LMAN1: variants seen among roughly 807,000 people sequenced by gnomAD.
The protein encoded by LMAN1 is protein ERGIC-53.
LMAN1 carries 32 observed loss-of-function variants against 67.8 expected under a neutral mutation model. The observed-to-expected ratio is 0.47, with a 90% confidence interval of 0.36 to 0.63. The LOEUF (loss-of-function observed/expected upper bound fraction) is 0.63, where lower values mean the gene tolerates loss of function less well. Ranked by LOEUF, LMAN1 falls within the 30% of genes least tolerant of loss-of-function variation. The pLI, the probability that LMAN1 is intolerant of heterozygous loss-of-function variation, is 0.00. For missense variants in LMAN1, 632 were observed against 628.2 expected (o/e 1.01, Z -0.06); for synonymous variants, 235 against 219.3 (o/e 1.07, Z -0.63).
chr18:59,353,195 T>C lies in LMAN1; in HGVS notation c.639+7A>G. 1 of 1,597,084 alleles carries C rather than the reference T, an allele frequency of 6.3e-7. No individual in the cohort carries two copies. The highest frequency in any genetic ancestry group is 8.6e-7 in the Non-Finnish European group (1 of 1,164,480). On this transcript the variant is annotated splice_region_variant and intron_variant, in intron 5 of 12. Transcript: ENST00000251047. ...TATTTGATTCTCTCTAAATAGATGTTACTTACTGTCAGTGTGTTCTGGTAA... is the reference window on the plus strand; with the variant it reads ...TATTTGATTCTCTCTAAATAGATGTCACTTACTGTCAGTGTGTTCTGGTAA...
In LMAN1 at chr18:59,346,067, T is replaced by C. The variant is rs1468434414; in HGVS notation, c.823-16A>G. The C allele has an allele frequency of 1.3e-6, 2 of 1,587,606 alleles. No homozygotes were observed. The highest frequency in any genetic ancestry group is 3.5e-5 in the Admixed American group (2 of 57,580). On this transcript the variant is annotated splice_polypyrimidine_tract_variant and intron_variant, in intron 7 of 12. Coordinates refer to ENST00000251047, the MANE Select transcript of LMAN1 (RefSeq NM_005570.4). ...CTGGTGTGGGCTTTTTTTTGGAGTT[T>C]TGGAATAGATCATTAAAAAGATAAG...
intron 5 of LMAN1, 162 bp downstream of exon 5, chr18:59,353,040 C>G (rs983923650): frequency 1.1e-5 from 7 of 656,260 alleles, no homozygotes; most frequent in Non-Finnish European, 1.9e-5. Flanking sequence ...CAGATGACCA[C>G]TTACACTGAG....
At chr18:59,342,893 C>G (rs1006100860) in intron 8 of LMAN1, among the ~76,000 whole-genome samples, 1 of 151,826 alleles carries the variant, frequency 6.6e-6, no homozygotes, top group Non-Finnish European at 1.5e-5. Flanking sequence ...GATCTTATAT[C>G]TCAAAAATCC....
intron 5 of LMAN1, among the ~76,000 whole-genome samples, chr18:59,349,717 A>T (rs1202816684): frequency 2.0e-5 from 3 of 152,250 alleles, no homozygotes; most frequent in Non-Finnish European, 4.4e-5. Context: ...GTTAGCAGAG[A>T]ACAAAAGTGA....
At chr18:59,335,972 G>A (rs1908137707) in intron 10 of LMAN1, among the ~76,000 whole-genome samples, 1 of 152,162 alleles carries the variant, frequency 6.6e-6, no homozygotes, top group Non-Finnish European at 1.5e-5. Context: ...TAAGAACCAG[G>A]TTTTTCCCTG....
At chr18:59,344,041 T>A (rs1908345946) in intron 8 of LMAN1, among the ~76,000 whole-genome samples, 1 of 152,076 alleles carries the variant, frequency 6.6e-6, no homozygotes, top group Non-Finnish European at 1.5e-5. Context: ...AATGAAGAAA[T>A]GCTCAACATC....
intron 8 of LMAN1, among the ~76,000 whole-genome samples, chr18:59,345,227 A>T (rs1269030447): frequency 6.6e-6 from 1 of 152,232 alleles, no homozygotes; most frequent in Non-Finnish European, 1.5e-5. Context: ...AGCCTTTATT[A>T]AGTACACCTT....
At chr18:59,353,060 C>T in intron 5 of LMAN1, 142 bp downstream of exon 5, 1 of 730,062 alleles carries the variant, frequency 1.4e-6, no homozygotes, top group South Asian at 1.5e-5. Flanking sequence ...GCTGTGAAGC[C>T]ACCTCCGTTC....
At position 59,330,376 on chromosome 18, in the gene LMAN1, G is replaced by A. The variant is rs2070740370; in HGVS notation, c.*717C>T. The A allele has an allele frequency of 6.6e-6, 1 of 152,602 alleles. No individual in the cohort carries two copies. Among genetic ancestry groups the A allele is most frequent in the South Asian group, 2.1e-4 (1 of 4,814 alleles). The allele number at this position is 152,602 out of a possible 1,614,324, so 9.5% of individuals were successfully genotyped here. ...GACATTCAAGAATATGGGCAATCAT[G>A]AATGAATACATTACCAGGCAAAATA... On this transcript the variant is annotated 3_prime_UTR_variant, in exon 13 of 13. Coordinates refer to ENST00000251047, the MANE Select transcript of LMAN1 (RefSeq NM_005570.4).
intron 1 of LMAN1, among the ~76,000 whole-genome samples, chr18:59,358,781 G>A (rs1420288235): frequency 6.6e-6 from 1 of 152,172 alleles, no homozygotes; most frequent in Non-Finnish European, 1.5e-5. Context: ...CGAGATCAAA[G>A]AAGGGAAGAC....
intron 1 of LMAN1, 30 bp downstream of exon 1, chr18:59,359,001 C>G (rs1430630629): frequency 6.2e-7 from 1 of 1,605,792 alleles, no homozygotes; most frequent in South Asian, 1.1e-5. Flanking sequence ...GGGAGAGGAA[C>G]CCGGCCCCCA....
chr18:59,331,645 T>C, intron 11 of LMAN1, 106 bp from the exon 12 acceptor site: 1 of 1,271,312 alleles, frequency 7.9e-7, no homozygotes, highest in Non-Finnish European at 1.1e-6. Flanking sequence ...ACAAGTATTT[T>C]CATTTTTTCA....
chr18:59,355,309 A>G lies in LMAN1; in HGVS notation c.477+4T>C. Reference sequence around the variant, plus strand: ...GTGGATAACAGTCCTGACAATAAATATACCTTTCCATCATTGTCAAAAGAA... The same window carrying G: ...GTGGATAACAGTCCTGACAATAAATGTACCTTTCCATCATTGTCAAAAGAA... On this transcript the variant is annotated splice_donor_region_variant and intron_variant, in intron 3 of 12. Coordinates refer to ENST00000251047, the MANE Select transcript of LMAN1 (RefSeq NM_005570.4). 1.3e-6 allele frequency: 2 copies of G among 1,598,040 alleles called. No homozygotes were observed. Among genetic ancestry groups the G allele is most frequent in the Non-Finnish European group, 1.7e-6 (2 of 1,166,406 alleles).
intron 12 of LMAN1, 81 bp downstream of exon 12, chr18:59,331,337 T>C (rs986555278): frequency 5.7e-6 from 8 of 1,393,046 alleles, no homozygotes; most frequent in Middle Eastern, 1.8e-4. Flanking sequence ...AATTGTATTA[T>C]GAACATAGAT....
intron 6 of LMAN1, among the ~76,000 whole-genome samples, 198 bp downstream of exon 6, chr18:59,348,915 T>G (rs1423672841): frequency 6.6e-6 from 1 of 152,236 alleles, no homozygotes; most frequent in East Asian, 1.9e-4. Flanking sequence ...CAGCCCCAGT[T>G]AACTGTACAC....
At chr18:59,338,981 A>G (rs1232383684) in intron 8 of LMAN1, 28 bp from the exon 9 acceptor site, 2 of 1,587,944 alleles carry the variant, frequency 1.3e-6, no homozygotes, top group South Asian at 2.2e-5. Context: ...AAAAATGATC[A>G]GAGTCACCTA....
At position 59,356,697 on chromosome 18, in the gene LMAN1, T is replaced by A. The variant is rs973026753; in HGVS notation, c.215-1039A>T. Among the ~76,000 whole-genome samples the A allele has an allele frequency of 1.2e-4, 18 of 152,314 alleles. No individual in the cohort carries two copies. In the East Asian group the frequency reaches 1.7e-3, roughly 15 times the overall value. ...GGGTGTGGGCATCATGGAAAGAGAC[T>A]GAACACAGAATCAGAAGACCTAGAT... On this transcript the variant is annotated intron_variant, in intron 1 of 12. Transcript: ENST00000251047.
intron 8 of LMAN1, among the ~76,000 whole-genome samples, chr18:59,343,430 A>G (rs745435472): frequency 8.5e-5 from 13 of 152,186 alleles, no homozygotes; most frequent in Non-Finnish European, 1.5e-4. Flanking sequence ...CCAAACCAGC[A>G]TAATACTGGT....
intron 10 of LMAN1, among the ~76,000 whole-genome samples, chr18:59,337,402 T>A (rs1908183232): frequency 6.6e-6 from 1 of 152,048 alleles, no homozygotes; most frequent in Non-Finnish European, 1.5e-5. Context: ...GAATAGGCCT[T>A]GGTGGAGAAA....
Sources: gnomAD v4.1 joint callset for allele counts (sites outside exome capture counted in the v4.1 genomes callset) on GRCh38, gnomAD v4.1.1 for gene constraint, MANE v1.5 for transcripts, NCBI Gene and HGNC (gene_info 2026-07-23, HGNC 2026-07-21) for gene names.